The following FGD4 variants were observed in gnomAD, a reference collection of about 807,000 sequenced individuals.
FGD4 encodes the protein FYVE, RhoGEF and PH domain-containing protein 4.
Under a neutral mutation model 102.0 loss-of-function variants are expected in FGD4, and 42 were observed. That is an observed-to-expected ratio of 0.41 (90% CI 0.32 to 0.53). The LOEUF is 0.53. FGD4 is among the 20% of genes least tolerant of loss of function. FGD4 has a pLI of 0.21. For synonymous variants in FGD4, 380 were observed against 375.7 expected, an observed-to-expected ratio of 1.01 and a Z score of -0.13; for missense variants, 902 against 1,078.2, an observed-to-expected ratio of 0.84 and a Z score of 2.29.
At chr12:32,451,901 G>T (rs971990550) in intron 1 of FGD4, among the ~76,000 whole-genome samples, 3 of 99,084 alleles carry the variant, frequency 3.0e-5, no homozygotes, top group African/African-American at 7.8e-5. Context: ...ATATTCTAAA[G>T]ATAACAATAA....
intron 1 of FGD4, among the ~76,000 whole-genome samples, chr12:32,422,410 T>TGCCTCA (rs900173301): frequency 1.4e-5 from 2 of 146,016 alleles, no homozygotes; most frequent in Non-Finnish European, 3.0e-5. Flanking sequence ...GCCATTCTCC[T>TGCCTCA]GCCTCAGCCT....
chr12:32,432,136 T>C lies in FGD4; in HGVS notation c.166+32177T>C, dbSNP rs534315472. On this transcript the variant is annotated intron_variant, in intron 1 of 16. Transcript: ENST00000534526. ...GTGTAGTGGCCTGATCTTGGCTCAC[T>C]GCAAGCTCTGCCTCCTGGGTTCACA... Among the ~76,000 whole-genome samples the C allele has an allele frequency of 3.5e-3, 514 of 148,816 alleles. 8 individuals are homozygous for C. The highest frequency in any genetic ancestry group is 0.012 in the African/African-American group (479 of 40,702).
At chr12:32,573,131 T>A (rs563339171) in intron 2 of FGD4, among the ~76,000 whole-genome samples, 1,998 of 152,346 alleles carry the variant, frequency 0.013, 15 homozygotes, top group Non-Finnish European at 0.02. Context: ...AGTTTCACTC[T>A]GTCGCACAGG....
chr12:32,465,252 A>G (rs1422132570), intron 1 of FGD4, among the ~76,000 whole-genome samples: 1 of 147,860 alleles, frequency 6.8e-6, no homozygotes, highest in Non-Finnish European at 1.5e-5. Flanking sequence ...CGATTAATAC[A>G]TATTTTGTAT....
intron 1 of FGD4, among the ~76,000 whole-genome samples, chr12:32,537,004 G>A (rs1237564143): frequency 4.6e-5 from 7 of 151,734 alleles, no homozygotes; most frequent in Admixed American, 6.6e-5. Flanking sequence ...CACCTCCGGG[G>A]TTCACACCAT....
chr12:32,542,354 C>T (rs1942914032), intron 1 of FGD4, among the ~76,000 whole-genome samples: 2 of 152,168 alleles, frequency 1.3e-5, no homozygotes, highest in African/African-American at 4.8e-5. Context: ...TTAATAGCAA[C>T]AATGTCAGGA....
At chr12:32,571,205 T>A (rs11052083) in intron 2 of FGD4, among the ~76,000 whole-genome samples, 21,001 of 152,136 alleles carry the variant, frequency 0.14, 1,638 homozygotes, top group Middle Eastern at 0.22. Context: ...CTGTAATCCT[T>A]GCACTTTGGG....
At chr12:32,467,873 G>A (rs954100942) in intron 1 of FGD4, among the ~76,000 whole-genome samples, 5 of 152,010 alleles carry the variant, frequency 3.3e-5, no homozygotes, top group Non-Finnish European at 7.4e-5. Flanking sequence ...AAAATAAGCC[G>A]AGAGTTGTGG....
At chr12:32,636,596 C>G (rs1290686367) in intron 15 of FGD4, among the ~76,000 whole-genome samples, 1 of 151,254 alleles carries the variant, frequency 6.6e-6, no homozygotes, top group African/African-American at 2.4e-5. Flanking sequence ...TATCACAGAT[C>G]AGTGTTTTTG....
chr12:32,569,671 T>C (rs1470511324), intron 2 of FGD4, among the ~76,000 whole-genome samples: 1 of 152,168 alleles, frequency 6.6e-6, no homozygotes, highest in Non-Finnish European at 1.5e-5. Flanking sequence ...AGCACTTACC[T>C]CCTTCCGATA....
intron 1 of FGD4, among the ~76,000 whole-genome samples, chr12:32,434,383 A>G (rs1942158247): frequency 6.6e-6 from 1 of 152,272 alleles, no homozygotes; most frequent in African/African-American, 2.4e-5. Context: ...ACGAAGACTC[A>G]GGTGAGCAGT....
At chr12:32,402,647 A>T (rs897109842) in intron 1 of FGD4, among the ~76,000 whole-genome samples, 26 of 151,652 alleles carry the variant, frequency 1.7e-4, no homozygotes, top group East Asian at 1.9e-4. Context: ...AGTTTTTTTT[A>T]AAATGGAGAA....
chr12:32,436,800 C>T (rs1451261549), intron 1 of FGD4, among the ~76,000 whole-genome samples: 2 of 152,170 alleles, frequency 1.3e-5, no homozygotes, highest in Non-Finnish European at 2.9e-5. Flanking sequence ...ACTACCAGTA[C>T]CATTACTTCC....
intron 1 of FGD4, among the ~76,000 whole-genome samples, chr12:32,519,438 T>A (rs1015752497): frequency 7.2e-5 from 11 of 152,310 alleles, no homozygotes; most frequent in Admixed American, 5.2e-4. Flanking sequence ...TCTTATTTTT[T>A]AAAAAACTTA....
intron 1 of FGD4, among the ~76,000 whole-genome samples, chr12:32,563,082 G>A (rs1314923958): frequency 8.8e-5 from 13 of 147,126 alleles, no homozygotes; most frequent in South Asian, 2.2e-4. Flanking sequence ...GCGGCTGGCC[G>A]GGCGGGGGGC....
At chr12:32,569,610 A>G (rs1315000005) in intron 2 of FGD4, among the ~76,000 whole-genome samples, 1 of 151,814 alleles carries the variant, frequency 6.6e-6, no homozygotes, top group Non-Finnish European at 1.5e-5. Flanking sequence ...GACTTCCCAC[A>G]CCCTGGATGG....
At chr12:32,480,993 T>C (rs972958720) in intron 1 of FGD4, among the ~76,000 whole-genome samples, 1 of 151,258 alleles carries the variant, frequency 6.6e-6, no homozygotes, top group Non-Finnish European at 1.5e-5. Flanking sequence ...TGTGTGTGTA[T>C]GCATGCTGAG....
chr12:32,437,466 T>A (rs1367334224), intron 1 of FGD4, among the ~76,000 whole-genome samples: 1 of 152,190 alleles, frequency 6.6e-6, no homozygotes, highest in Non-Finnish European at 1.5e-5. Context: ...CGCACCCAGA[T>A]GTGTTACTGG....
chr12:32,500,520 G>A (rs965988616), intron 1 of FGD4, among the ~76,000 whole-genome samples: 8 of 151,386 alleles, frequency 5.3e-5, no homozygotes, highest in Admixed American at 1.3e-4. Context: ...TGCAACCTCC[G>A]CCTCCCAGGT....
Sources: allele counts gnomAD v4.1 joint callset (sites outside exome capture counted in the v4.1 genomes callset), GRCh38; gene constraint gnomAD v4.1.1; transcripts MANE v1.5; gene names NCBI Gene and HGNC (gene_info 2026-07-23, HGNC 2026-07-21).